The following PCDHA3 variants were observed in gnomAD, a reference collection of about 807,000 sequenced individuals.
The protein encoded by PCDHA3 is protocadherin alpha 3, also known as protocadherin alpha-3.
PCDHA3 carries 41 observed loss-of-function variants against 62.2 expected under a neutral mutation model. The observed-to-expected ratio is 0.66, with a 90% CI of 0.51 to 0.86. PCDHA3 has a LOEUF of 0.86. Among genes scored for constraint, PCDHA3 ranks in the 40% least tolerant of loss-of-function variants. The pLI is 0.00. For synonymous variants in PCDHA3, 640 were observed against 555.4 expected, an observed-to-expected ratio of 1.15 and a Z score of -2.14; for missense variants, 1,304 against 1,241.2, an observed-to-expected ratio of 1.05 and a Z score of -0.76.
intron 1 of PCDHA3, among the ~76,000 whole-genome samples, chr5:140,872,744 C>T (rs1359908128): frequency 6.6e-6 from 1 of 152,086 alleles, no homozygotes; most frequent in African/African-American, 2.4e-5. Flanking sequence ...TCTAAACTTG[C>T]TAAAGACATG....
intron 1 of PCDHA3, chr5:140,825,453 A>G (rs1562282802): frequency 2.0e-5 from 3 of 148,792 alleles, no homozygotes; most frequent in Admixed American, 1.4e-4. Flanking sequence ...TATATATCAG[A>G]TATTTTGATA....
chr5:140,829,836 C>G (rs2150175782), intron 1 of PCDHA3: 3 of 1,613,890 alleles, frequency 1.9e-6, no homozygotes, highest in South Asian at 2.2e-5. Flanking sequence ...GAGCTGGTGC[C>G]GCGGTCACTG....
chr5:140,871,567 AT>A (rs1441824086), intron 1 of PCDHA3: 5 of 1,483,054 alleles, frequency 3.4e-6, no homozygotes, highest in African/African-American at 1.4e-5. Context: ...TTTTTCACGG[AT>A]TTTTTAAGGG....
chr5:140,849,915 A>T (rs1554143492), intron 1 of PCDHA3: 3 of 1,598,260 alleles, frequency 1.9e-6, no homozygotes, highest in Non-Finnish European at 8.6e-7. Context: ...GGGCTGCCAC[A>T]TCTTCACGGT....
chr5:140,825,720 C>G (rs1554130338), intron 1 of PCDHA3: 1 of 152,170 alleles, frequency 6.6e-6, no homozygotes, highest in Non-Finnish European at 1.5e-5. Context: ...TCGCGCCTGG[C>G]CTAAATTATT....
intron 1 of PCDHA3, chr5:140,822,704 A>G (rs1767403436): frequency 1.2e-6 from 2 of 1,610,868 alleles, no homozygotes; most frequent in Admixed American, 3.3e-5. Context: ...CTGGATTATG[A>G]AGACTATAAC....
At chr5:140,985,310 TG>T (rs1563522847) in intron 3 of PCDHA3, among the ~76,000 whole-genome samples, 2 of 152,196 alleles carry the variant, frequency 1.3e-5, no homozygotes, top group African/African-American at 4.8e-5. Flanking sequence ...GATAGCCTGG[TG>T]GCCAGAATTC....
At chr5:140,907,706 A>G (rs1171479205) in intron 1 of PCDHA3, among the ~76,000 whole-genome samples, 1 of 152,172 alleles carries the variant, frequency 6.6e-6, no homozygotes, top group Non-Finnish European at 1.5e-5. Flanking sequence ...CCTGTTGCTG[A>G]GCCCATGTGT....
chr5:140,815,634 T>C (rs1410900627), intron 1 of PCDHA3: 1 of 152,116 alleles, frequency 6.6e-6, no homozygotes, highest in East Asian at 1.9e-4. Context: ...AGTATTATAG[T>C]ATTCTGTTTT....
chr5:140,891,235 G>T (rs186707439), intron 1 of PCDHA3, among the ~76,000 whole-genome samples: 48 of 152,092 alleles, frequency 3.2e-4, no homozygotes, highest in African/African-American at 1.1e-3. Flanking sequence ...TCCTGTTCTG[G>T]ATTCAGTAGG....
intron 1 of PCDHA3, chr5:140,856,553 T>C (rs1319185539): frequency 6.3e-7 from 1 of 1,598,066 alleles, no homozygotes; most frequent in African/African-American, 1.3e-5. Context: ...ATTGCTTACT[T>C]ACAAACTCAG....
chr5:140,905,215 AAGGTG>A (rs2071683869), intron 1 of PCDHA3, among the ~76,000 whole-genome samples: 1 of 152,186 alleles, frequency 6.6e-6, no homozygotes, highest in Non-Finnish European at 1.5e-5. Flanking sequence ...ATTTTTGTGT[AAGGTG>A]AGAGATGAGG....
At chr5:140,967,518 A>T (rs1554229639) in intron 1 of PCDHA3, 1 of 1,612,930 alleles carries the variant, frequency 6.2e-7, no homozygotes, top group Non-Finnish European at 8.5e-7. Flanking sequence ...CTGGACACTA[A>T]CGACAACTCT....
At chr5:140,870,524 TCA>T (rs782755570) in intron 1 of PCDHA3, 1 of 1,614,194 alleles carries the variant, frequency 6.2e-7, no homozygotes, top group Non-Finnish European at 8.5e-7. Context: ...TGCCACATCT[TCA>T]CAGTGTCGGC....
intron 1 of PCDHA3, among the ~76,000 whole-genome samples, chr5:140,903,619 A>T (rs1272385465): frequency 1.3e-5 from 2 of 152,226 alleles, no homozygotes; most frequent in African/African-American, 2.4e-5. Flanking sequence ...ATGAATGTGC[A>T]TGCATATGTA....
chr5:140,856,002 G>A, intron 1 of PCDHA3: 2 of 1,534,758 alleles, frequency 1.3e-6, no homozygotes, highest in African/African-American at 1.4e-5. Context: ...TCGTATGTGC[G>A]TTCTAGACCG....
chr5:140,944,857 A>G (rs1288221644), intron 1 of PCDHA3, among the ~76,000 whole-genome samples: 1 of 152,078 alleles, frequency 6.6e-6, no homozygotes, highest in Non-Finnish European at 1.5e-5. Context: ...AATCATCCTT[A>G]TTTATCTTAA....
At chr5:140,856,911 T>A in intron 1 of PCDHA3, 2 of 1,595,928 alleles carry the variant, frequency 1.3e-6, no homozygotes, top group East Asian at 2.2e-5. Flanking sequence ...CCACCCACGA[T>A]AAGAAGGAAA....
intron 1 of PCDHA3, among the ~76,000 whole-genome samples, chr5:140,905,531 C>T (rs2071895291): frequency 6.6e-6 from 1 of 151,776 alleles, no homozygotes; most frequent in African/African-American, 2.4e-5. Context: ...TTTTTTGGTT[C>T]CATATGAACT....
Sources: gnomAD v4.1 joint callset for allele counts (sites outside exome capture counted in the v4.1 genomes callset) on GRCh38, gnomAD v4.1.1 for gene constraint, MANE v1.5 for transcripts, NCBI Gene and HGNC (gene_info 2026-07-23, HGNC 2026-07-21) for gene names.